The following DYNC2H1 variants were observed in gnomAD, a reference collection of about 807,000 sequenced individuals.
DYNC2H1 encodes dynein cytoplasmic 2 heavy chain 1, also known as cytoplasmic dynein 2 heavy chain 1.
Under a neutral mutation model 570.0 loss-of-function variants are expected in DYNC2H1, and 410 were observed. That is an observed-to-expected ratio of 0.72 (90% CI 0.66 to 0.78). The LOEUF (loss-of-function observed/expected upper bound fraction) is 0.78. Among genes scored for constraint, DYNC2H1 ranks in the 30% least tolerant of loss-of-function variants. DYNC2H1 has a pLI of 0.00. For missense variants in DYNC2H1, 4,865 were observed against 5,046.4 expected, an observed-to-expected ratio of 0.96 and a Z score of 1.09; for synonymous variants, 1,688 against 1,677.6, an observed-to-expected ratio of 1.01 and a Z score of -0.15.
intron 88 of DYNC2H1, 131 bp downstream of exon 88, chr11:103,468,836 G>T: frequency 1.6e-6 from 1 of 623,472 alleles, no homozygotes; most frequent in South Asian, 2.6e-5. Flanking sequence ...GAACAAATTT[G>T]CAGTCAAAAG....
intron 83 of DYNC2H1, among the ~76,000 whole-genome samples, chr11:103,386,450 C>CCACACACACACACACACA (rs111771901): frequency 6.6e-6 from 1 of 150,706 alleles, no homozygotes; most frequent in South Asian, 2.1e-4. Flanking sequence ...TTAAAACACA[C>CCACACACACACACACACA]CACACACACA....
chr11:103,303,970 A>T (rs1867160095), intron 76 of DYNC2H1, among the ~76,000 whole-genome samples: 1 of 152,250 alleles, frequency 6.6e-6, no homozygotes, highest in East Asian at 1.9e-4. Context: ...CTTGAGTAAA[A>T]TGTATTCATT....
rs910928518 is a variant in DYNC2H1 at position 103,402,025 on chromosome 11, A to G, written c.12366+2153A>G. 3.3e-5 allele frequency: 5 copies of G among 152,252 alleles called. No homozygotes were observed. In the East Asian group the frequency reaches 9.6e-4, roughly 29 times the overall value. The allele number at this position is 152,252 out of a possible 1,614,324, so 9.4% of individuals were successfully genotyped here. A position where few individuals can be genotyped will look rare whatever the true frequency, so the allele number is the denominator to read the frequency against. ...AGAGGTAAGAGGTAACCCATCAGAG[A>G]TAATGAAGGAGGTTTCAAAATATTC... is the stretch of plus-strand genomic sequence containing the variant. On this transcript the variant is annotated intron_variant, in intron 84 of 88. Transcript: ENST00000375735.
chr11:103,389,446 C>A (rs1161921311), intron 83 of DYNC2H1, among the ~76,000 whole-genome samples: 1 of 152,036 alleles, frequency 6.6e-6, no homozygotes, highest in Non-Finnish European at 1.5e-5. Flanking sequence ...TTCAAAAAAC[C>A]ACCTCCTGGA....
At chr11:103,114,396 G>T (rs1277302518) in intron 3 of DYNC2H1, among the ~76,000 whole-genome samples, 158 bp downstream of exon 3, 2 of 152,192 alleles carry the variant, frequency 1.3e-5, no homozygotes, top group Non-Finnish European at 2.9e-5. Flanking sequence ...ATGTAGAGAA[G>T]AGGAAAATAT....
chr11:103,146,176 A>G (rs1169889104), intron 18 of DYNC2H1, among the ~76,000 whole-genome samples: 1 of 152,230 alleles, frequency 6.6e-6, no homozygotes, highest in East Asian at 1.9e-4. Context: ...GTAAAACTTT[A>G]AAAGAAAATT....
intron 60 of DYNC2H1, among the ~76,000 whole-genome samples, chr11:103,233,104 T>G (rs1202117884): frequency 6.6e-6 from 1 of 151,986 alleles, no homozygotes; most frequent in African/African-American, 2.4e-5. Context: ...AGAAGGCACT[T>G]AGAAAGACAA....
At chr11:103,343,604 C>T (rs11225736) in intron 82 of DYNC2H1, among the ~76,000 whole-genome samples, 1 of 151,968 alleles carries the variant, frequency 6.6e-6, no homozygotes, top group Non-Finnish European at 1.5e-5. Flanking sequence ...GAAATTATAT[C>T]CTTCCTATTC....
chr11:103,267,216 G>A (rs921896871), intron 70 of DYNC2H1, among the ~76,000 whole-genome samples: 2 of 151,928 alleles, frequency 1.3e-5, no homozygotes, highest in African/African-American at 4.8e-5. Flanking sequence ...CAGTAGCTCT[G>A]GGTGGGGTTC....
At chr11:103,311,007 T>C (rs1259112831) in intron 78 of DYNC2H1, among the ~76,000 whole-genome samples, 2 of 151,996 alleles carry the variant, frequency 1.3e-5, no homozygotes, top group Non-Finnish European at 2.9e-5. Context: ...CAGCCACTTT[T>C]TAAAGAAGAA....
At chr11:103,162,639 T>C (rs945970398) in intron 29 of DYNC2H1, among the ~76,000 whole-genome samples, 2 of 152,190 alleles carry the variant, frequency 1.3e-5, no homozygotes, top group Non-Finnish European at 2.9e-5. Context: ...GCCAGCCATT[T>C]TGACCCTGAT....
At chr11:103,198,141 G>A in intron 48 of DYNC2H1, 78 bp downstream of exon 48, 1 of 1,442,548 alleles carries the variant, frequency 6.9e-7, no homozygotes, top group Non-Finnish European at 9.4e-7. Flanking sequence ...AATATTTAGA[G>A]GGCATGAATA....
chr11:103,354,475 A>G (rs1383593951), intron 82 of DYNC2H1, among the ~76,000 whole-genome samples: 1 of 151,730 alleles, frequency 6.6e-6, no homozygotes, highest in Non-Finnish European at 1.5e-5. Context: ...TTAGTGTTTT[A>G]TTTCTGTTGT....
At chr11:103,438,987 A>G (rs760970184) in intron 85 of DYNC2H1, among the ~76,000 whole-genome samples, 2 of 152,134 alleles carry the variant, frequency 1.3e-5, no homozygotes, top group African/African-American at 2.4e-5. Flanking sequence ...TAAAAAAAAG[A>G]TAATTCCGCA....
Position 103,470,982 on chromosome 11 carries a change from A to T in DYNC2H1, c.12765+2277A>T, listed in dbSNP as rs1402142965. On this transcript the variant is annotated intron_variant, in intron 88 of 88. Coordinates refer to ENST00000375735, the MANE Select transcript of DYNC2H1 (RefSeq NM_001377.3). ...TATTTCTAGTTCTAGATCCCTGAGGAATCGCCACACTGACTTCCACAATGG... is the reference window on the plus strand; with the variant it reads ...TATTTCTAGTTCTAGATCCCTGAGGTATCGCCACACTGACTTCCACAATGG... Among the ~76,000 whole-genome samples the T allele has an allele frequency of 2.6e-5, 4 of 152,228 alleles. No homozygotes were observed. In the East Asian group the frequency reaches 7.7e-4, roughly 29 times the overall value.
chr11:103,465,816 A>C lies in DYNC2H1; in HGVS notation c.12649-2773A>C, dbSNP rs1189085104. Among the ~76,000 whole-genome samples, 1 of 152,160 alleles carries C rather than the reference A, an allele frequency of 6.6e-6. No individual in the cohort carries two copies. The highest frequency in any genetic ancestry group is 6.5e-5 in the Admixed American group (1 of 15,276). On this transcript the variant is annotated intron_variant, in intron 87 of 88. Coordinates refer to ENST00000375735, the MANE Select transcript of DYNC2H1 (RefSeq NM_001377.3). This position sits in a 1 kb window ranked among gnomAD's most constrained non-coding sequence, Gnocchi z 4.9. ...GGTGGTTTCAGTGCAGCATTTCTAG[A>C]AGGCAGAGCCTTTTAAAGCCTAGCT...
Position 103,245,396 on chromosome 11 carries a change from G to A in DYNC2H1, c.10042+22G>A, listed in dbSNP as rs1864576950. On this transcript the variant is annotated intron_variant, in intron 65 of 88. Transcript: ENST00000375735. This position sits in a 1 kb window ranked among gnomAD's most constrained non-coding sequence, Gnocchi z 4.5. ...CAAGGTAAATAATTGACACTTTCCA[G>A]AGTGTAAATATTTTTAAAATTTCCA... 1 of 1,554,392 alleles carries A rather than the reference G, an allele frequency of 6.4e-7. No individual in the cohort carries two copies. The highest frequency in any genetic ancestry group is 2.3e-5 in the East Asian group (1 of 42,752).
At chr11:103,347,489 A>G (rs1939800430) in intron 82 of DYNC2H1, among the ~76,000 whole-genome samples, 1 of 150,824 alleles carries the variant, frequency 6.6e-6, no homozygotes, top group South Asian at 2.1e-4. Context: ...GTGGTCTGGG[A>G]TTTGTTTTAA....
At chr11:103,321,815 T>G (rs1938217368) in intron 81 of DYNC2H1, among the ~76,000 whole-genome samples, 1 of 152,154 alleles carries the variant, frequency 6.6e-6, no homozygotes, top group Admixed American at 6.5e-5. Context: ...CCAAAAGATT[T>G]CAATTTTGAT....
Sources: allele counts gnomAD v4.1 joint callset (sites outside exome capture counted in the v4.1 genomes callset), GRCh38; gene constraint gnomAD v4.1.1; non-coding constraint Gnocchi (gnomAD v3.1); transcripts MANE v1.5; gene names NCBI Gene and HGNC (gene_info 2026-07-23, HGNC 2026-07-21).